The following NECTIN1 variants were observed in gnomAD, a reference collection of about 807,000 sequenced individuals.
The protein encoded by NECTIN1 is nectin cell adhesion molecule 1.
A neutral mutation model predicts 48.0 loss-of-function variants in NECTIN1; 23 were observed. The ratio of observed to expected loss-of-function variants is 0.48; its 90% confidence interval spans 0.34 to 0.68. The LOEUF (loss-of-function observed/expected upper bound fraction) is 0.68, where lower values mean the gene tolerates loss of function less well. Among genes scored for constraint, NECTIN1 ranks in the 30% least tolerant of loss-of-function variants. The pLI is 0.01. For missense variants in NECTIN1, 591 were observed against 709.9 expected, an observed-to-expected ratio of 0.83 and a Z score of 1.90; for synonymous variants, 270 against 288.9, an observed-to-expected ratio of 0.93 and a Z score of 0.66.
intron 1 of NECTIN1, among the ~76,000 whole-genome samples, chr11:119,679,310 A>C (rs1865019163): frequency 6.6e-6 from 1 of 152,164 alleles, no homozygotes; most frequent in Non-Finnish European, 1.5e-5. Context: ...GTGATGGACG[A>C]GAAGGTGCGT....
Position 119,665,354 on chromosome 11 carries a change from A to C in NECTIN1, c.1004-57T>G. ...ATCAGCGTGTGCTCCTGGGGTGTAG[A>C]GGGGGTGGGAGGGAGGCAGGGAAAG... On this transcript the variant is annotated intron_variant, in intron 5 of 5. Coordinates refer to ENST00000264025, the MANE Select transcript of NECTIN1 (RefSeq NM_002855.5). This position sits in a 1 kb window ranked among gnomAD's most constrained non-coding sequence, Gnocchi z 5.1. 1 of 643,234 alleles carries C rather than the reference A, an allele frequency of 1.6e-6. No individual in the cohort carries two copies. Among genetic ancestry groups the C allele is most frequent in the Non-Finnish European group, 2.3e-6 (1 of 439,640 alleles). 39.8% of individuals were successfully genotyped at this position (643,234 alleles called of 1,614,324 possible). A position where few individuals can be genotyped will look rare whatever the true frequency, so the allele number is the denominator to read the frequency against.
intron 5 of NECTIN1, among the ~76,000 whole-genome samples, chr11:119,669,822 AG>A (rs1204351952): frequency 6.6e-6 from 1 of 152,084 alleles, no homozygotes; most frequent in Non-Finnish European, 1.5e-5. Context: ...CAGCTCAAAT[AG>A]CCCCTTCTCA....
At chr11:119,720,046 G>A (rs769180584) in intron 1 of NECTIN1, among the ~76,000 whole-genome samples, 53 of 152,298 alleles carry the variant, frequency 3.5e-4, no homozygotes, top group Non-Finnish European at 6.9e-4. Context: ...GGGCAGTGGG[G>A]GACCAGTTAG....
intron 1 of NECTIN1, among the ~76,000 whole-genome samples, chr11:119,703,464 C>G (rs1486195754): frequency 6.6e-6 from 1 of 152,208 alleles, no homozygotes; most frequent in Non-Finnish European, 1.5e-5. Flanking sequence ...TTGCCTTGGA[C>G]TTGTCCAAGT....
At chr11:119,660,376 A>G (rs1314653631), downstream of NECTIN1, among the ~76,000 whole-genome samples, 4 of 151,836 alleles carry the variant, frequency 2.6e-5, no homozygotes, top group East Asian at 7.7e-4. Context: ...CTTCTCTCCA[A>G]ACAACCAGCC....
intron 1 of NECTIN1, among the ~76,000 whole-genome samples, chr11:119,690,724 T>C (rs1244998226): frequency 6.6e-6 from 1 of 152,084 alleles, no homozygotes; most frequent in Admixed American, 6.5e-5. Context: ...CGTGCCCAGA[T>C]GTTCAGGCTT....
In NECTIN1 at chr11:119,662,470, G is replaced by C; in HGVS notation, c.*2277C>G. 3 of 985,842 alleles carry C rather than the reference G, an allele frequency of 3.0e-6. No individual in the cohort carries two copies. Among genetic ancestry groups the C allele is most frequent in the Non-Finnish European group, 3.6e-6 (3 of 829,994 alleles). The allele number at this position is 985,842 out of a possible 1,614,324, so 61.1% of individuals were successfully genotyped here. A position where few individuals can be genotyped will look rare whatever the true frequency, so the allele number is the denominator to read the frequency against. On this transcript the variant is annotated 3_prime_UTR_variant, in exon 6 of 6. Coordinates refer to ENST00000264025, the MANE Select transcript of NECTIN1 (RefSeq NM_002855.5). The surrounding 1 kb of genome is among the most constrained non-coding windows in gnomAD (Gnocchi z 5.3). ...AATTTGTGCTTTGCTTGTGGGGAGG[G>C]TGTGGAGGTGTCTTAAGGGGGAACT... is the stretch of plus-strand genomic sequence containing the variant.
At chr11:119,679,039 T>C (rs1413509052) in intron 1 of NECTIN1, among the ~76,000 whole-genome samples, 1 of 152,226 alleles carries the variant, frequency 6.6e-6, no homozygotes, top group Non-Finnish European at 1.5e-5. Context: ...TAACCATCTA[T>C]CTATTTTAAA....
At chr11:119,656,343 G>A (rs1009391603), downstream of NECTIN1, 3 of 152,216 alleles carry the variant, frequency 2.0e-5, no homozygotes, top group Non-Finnish European at 2.9e-5. Flanking sequence ...TACTAAAATT[G>A]CAACGATACA....
In NECTIN1 at chr11:119,653,445, G is replaced by A. The variant is rs143998765; in HGVS notation, c.1004-13433C>T. Among the ~76,000 whole-genome samples the A allele has an allele frequency of 3.9e-5, 6 of 152,308 alleles. No individual in the cohort carries two copies. The East Asian group carries it at 1.2e-3, about 29-fold the overall frequency. On this transcript the variant is annotated intron_variant, in intron 5 of 7. Transcript: ENST00000341398. ...GTCCCCTGCAGGAGGGTGGCCCGGC[G>A]CGGGGATCCCAACCCAGCCCTGCCC...
chr11:119,723,593 G>C (rs2134347900), intron 1 of NECTIN1, among the ~76,000 whole-genome samples: 1 of 152,342 alleles, frequency 6.6e-6, no homozygotes, highest in South Asian at 2.1e-4. Flanking sequence ...CTGTCAGAAA[G>C]TCTGTCTTTG....
At chr11:119,688,636 G>A (rs1865202348) in intron 1 of NECTIN1, among the ~76,000 whole-genome samples, 1 of 152,194 alleles carries the variant, frequency 6.6e-6, no homozygotes, top group Non-Finnish European at 1.5e-5. Flanking sequence ...GCTCAGGCAG[G>A]GATGGTGGAG....
rs1198159285 is a variant in NECTIN1, at chr11:119,677,441, AG to A, written c.733+113del. 17 of 1,230,542 alleles carry A rather than the reference AG, an allele frequency of 1.4e-5. No individual in the cohort carries two copies. The highest frequency in any genetic ancestry group is 1.9e-5 in the Non-Finnish European group (16 of 843,406). The allele number at this position is 1,230,542 out of a possible 1,614,324, so 76.2% of individuals were successfully genotyped here. On this transcript the variant is annotated intron_variant, in intron 3 of 5. Transcript: ENST00000264025. This position sits in a 1 kb window ranked among gnomAD's most constrained non-coding sequence, Gnocchi z 5.4. ...AGCAAAGGGAGGAGATAGGGGAGAC[AG>A]GAGGGGAGAAGAAAGCACCCCCAGA...
At chr11:119,715,556 A>AT (rs1166863592) in intron 1 of NECTIN1, among the ~76,000 whole-genome samples, 7 of 152,052 alleles carry the variant, frequency 4.6e-5, no homozygotes, top group African/African-American at 1.7e-4. Flanking sequence ...GGGTTTCACC[A>AT]TGTTGGCCAG....
At chr11:119,679,088 C>T (rs1865014887) in intron 1 of NECTIN1, among the ~76,000 whole-genome samples, 1 of 152,146 alleles carries the variant, frequency 6.6e-6, no homozygotes. Flanking sequence ...CCATAAGCTG[C>T]TTTTTTACTT....
rs1864704249 is a variant in NECTIN1, at chr11:119,663,472, T to A, written c.*1275A>T. 1 of 985,468 alleles carries A rather than the reference T, an allele frequency of 1.0e-6. No individual in the cohort carries two copies. Among genetic ancestry groups the A allele is most frequent in the Middle Eastern group, 5.2e-4 (1 of 1,914 alleles). The allele number at this position is 985,468 out of a possible 1,614,324, so 61.0% of individuals were successfully genotyped here. A position where few individuals can be genotyped will look rare whatever the true frequency, so the allele number is the denominator to read the frequency against. ...GGACCAGGGGTGGCTGAGCAGGAGG[T>A]GGCCTAGCGGCCCCACCCCCCTCAC... On this transcript the variant is annotated 3_prime_UTR_variant, in exon 6 of 6. Transcript: ENST00000264025.
chr11:119,669,454 C>T (rs968071414), intron 5 of NECTIN1, among the ~76,000 whole-genome samples: 4 of 151,774 alleles, frequency 2.6e-5, no homozygotes, highest in Non-Finnish European at 5.9e-5. Context: ...CTCTTCTCAC[C>T]GTCTCCATCA....
At chr11:119,698,665 G>A (rs748131723) in intron 1 of NECTIN1, among the ~76,000 whole-genome samples, 46 of 152,194 alleles carry the variant, frequency 3.0e-4, no homozygotes, top group Non-Finnish European at 5.0e-4. Context: ...GTGAGCCTCA[G>A]TTTCCTCATC....
At chr11:119,640,287 T>G in intron 5 of NECTIN1, 1 of 506,418 alleles carries the variant, frequency 2.0e-6, no homozygotes. Flanking sequence ...GGGTATCTCC[T>G]GGACAGGCAG....
Sources: gnomAD v4.1 joint callset for allele counts (sites outside exome capture counted in the v4.1 genomes callset) on GRCh38, gnomAD v4.1.1 for gene constraint, Gnocchi (gnomAD v3.1) non-coding constraint, MANE v1.5 for transcripts, NCBI Gene and HGNC (gene_info 2026-07-23, HGNC 2026-07-21) for gene names.